The following PROX2 variants were observed in gnomAD, a reference collection of about 807,000 sequenced individuals.
The protein encoded by PROX2 is prospero homeobox protein 2.
A neutral mutation model predicts 48.9 loss-of-function variants in PROX2; 46 were observed. That is an observed-to-expected ratio of 0.94 (90% CI 0.74 to 1.20). The LOEUF is 1.20. Among genes scored for constraint, PROX2 ranks in the 50% most tolerant of loss-of-function variants. The pLI is 0.00. For missense variants in PROX2, 663 were observed against 719.4 expected (o/e 0.92, Z 0.90); for synonymous variants, 260 against 276.6 (o/e 0.94, Z 0.60).
Position 74,863,074 on chromosome 14 carries a change from G to T in PROX2, c.761C>A (p.Thr254Asn). The T allele has an allele frequency of 6.2e-7, 1 of 1,613,986 alleles. No individual in the cohort carries two copies. Among genetic ancestry groups the T allele is most frequent in the Non-Finnish European group, 8.5e-7 (1 of 1,179,876 alleles). Reference protein sequence around the residue: ...KVLLDPPGHLTQLGRSFQGQV... With the variant: ...KVLLDPPGHLNQLGRSFQGQV... ...CCCCTGGAAGCTTCTGCCCAGCTGAGTCAGGTGGCCTGGTGGATCCAATAG... is the reference window on the plus strand; with the variant it reads ...CCCCTGGAAGCTTCTGCCCAGCTGATTCAGGTGGCCTGGTGGATCCAATAG... The change falls in exon 3 of 6, where the codon ACT becomes AAT. Residue 254 changes from threonine (T) to asparagine (N), a missense_variant. Thr to Asn is a moderately conservative substitution (Grantham distance 65). Transcript: ENST00000556489.
In PROX2 at chr14:74,864,995, A is replaced by T. The variant is rs181350520; in HGVS notation, c.-174-987T>A. ...CCCATCTCTACTAAAAATAAAAAAAATTAGCTGAGTGTGGTAGCATGCGCC... is the reference window on the plus strand; with the variant it reads ...CCCATCTCTACTAAAAATAAAAAAATTTAGCTGAGTGTGGTAGCATGCGCC... On this transcript the variant is annotated intron_variant, in intron 2 of 5. Transcript: ENST00000556489. Among the ~76,000 whole-genome samples, 19 of 149,916 alleles carry T rather than the reference A, an allele frequency of 1.3e-4. No individual in the cohort carries two copies. The Admixed American group carries it at 1.3e-3, about 10-fold the overall frequency.
intron 3 of PROX2, among the ~76,000 whole-genome samples, chr14:74,861,407 C>A (rs1184037305): frequency 6.6e-6 from 1 of 152,198 alleles, no homozygotes; most frequent in Non-Finnish European, 1.5e-5. Context: ...TTAGAGCTTC[C>A]ATTTACTCAT....
chr14:74,873,766 A>G, intron 1 of PROX2: 1 of 472,576 alleles, frequency 2.1e-6, no homozygotes, highest in South Asian at 1.6e-5. Context: ...CTTCTAGAAC[A>G]GTATCCCACC....
rs764345215 is a variant in PROX2, at chr14:74,854,274, A to G, written c.*858T>C. ...CAGCAGACAAATGTGAATAAACAGCAACACTCAAGTCCTGCATAAAGTTTG... is the reference window on the plus strand; with the variant it reads ...CAGCAGACAAATGTGAATAAACAGCGACACTCAAGTCCTGCATAAAGTTTG... On this transcript the variant is annotated 3_prime_UTR_variant, in exon 6 of 6. Transcript: ENST00000556489. 2 of 483,332 alleles carry G rather than the reference A, an allele frequency of 4.1e-6. No homozygotes were observed. The highest frequency in any genetic ancestry group is 8.3e-6 in the Non-Finnish European group (2 of 241,852). 29.9% of individuals were successfully genotyped at this position (483,332 alleles called of 1,614,324 possible). A position where few individuals can be genotyped will look rare whatever the true frequency, so the allele number is the denominator to read the frequency against.
intron 2 of PROX2, among the ~76,000 whole-genome samples, chr14:74,867,679 C>G (rs1883095926): frequency 6.6e-6 from 1 of 152,214 alleles, no homozygotes; most frequent in Non-Finnish European, 1.5e-5. Context: ...GACAGAAAGA[C>G]AGACGGGTAG....
chr14:74,856,785 C>G lies in PROX2; in HGVS notation c.1608+16G>C. On this transcript the variant is annotated intron_variant, in intron 5 of 5. Transcript: ENST00000556489. ...ACACTCATCAGATCTCATGGGAACC[C>G]AGTACATGGTCTTACCTCAAAGTCA... The G allele has an allele frequency of 6.2e-7, 1 of 1,606,234 alleles. No individual in the cohort carries two copies. The highest frequency in any genetic ancestry group is 8.5e-7 in the Non-Finnish European group (1 of 1,173,100).
chr14:74,855,963 T>C (rs2140160464), intron 5 of PROX2: 1 of 152,340 alleles, frequency 6.6e-6, no homozygotes, highest in South Asian at 2.1e-4. Context: ...CATGGACAAT[T>C]TTCCCCACAG....
intron 3 of PROX2, chr14:74,861,144 G>A (rs575337344): frequency 2.5e-6 from 3 of 1,202,322 alleles, no homozygotes; most frequent in African/African-American, 1.5e-5. Context: ...GCATGGTAAT[G>A]AGCTGGTCCC....
rs1278241230 is a variant in PROX2, at chr14:74,863,807, G to A, written c.28C>T (p.Pro10Ser). 1 of 1,509,782 alleles carries A rather than the reference G, an allele frequency of 6.6e-7. No homozygotes were observed. Among genetic ancestry groups the A allele is most frequent in the African/African-American group, 1.4e-5 (1 of 71,576 alleles). 93.5% of individuals were successfully genotyped at this position (1,509,782 alleles called of 1,614,324 possible). A position where few individuals can be genotyped will look rare whatever the true frequency, so the allele number is the denominator to read the frequency against. The change falls in exon 3 of 6, where the codon CCT (proline) becomes TCT (serine). Residue 10 changes from proline (P) to serine (S), a missense_variant. Coordinates refer to ENST00000556489, the MANE Select transcript of PROX2 (RefSeq NM_001243007.2). ...AGGTGGGAGCAGATCTGGGGCTGAG[G>A]AGAAAGCAAGATGGAGTTTGGATCC... MDPNSILLSPQPQICSHLAE... is the reference protein window; with the variant it reads MDPNSILLSSQPQICSHLAE...
At chr14:74,862,180 G>A (rs192125028) in intron 3 of PROX2, among the ~76,000 whole-genome samples, 1 of 152,244 alleles carries the variant, frequency 6.6e-6, no homozygotes. Flanking sequence ...TAGTTTTCTT[G>A]TTTCTCTGCA....
chr14:74,861,306 CA>C, intron 3 of PROX2: 1 of 1,019,346 alleles, frequency 9.8e-7, no homozygotes, highest in Non-Finnish European at 1.4e-6. Context: ...GCTTAAAAAG[CA>C]ACATCCAAAA....
chr14:74,874,760 AATAAGT>A (rs1247306648), intron 1 of PROX2, among the ~76,000 whole-genome samples: 2 of 152,232 alleles, frequency 1.3e-5, no homozygotes, highest in African/African-American at 4.8e-5. Flanking sequence ...AGGCACAAAA[AATAAGT>A]ATACAAAAGA....
chr14:74,858,836 GGTGTATTGTGTGTGTGT>G, intron 3 of PROX2: 2 of 211,584 alleles, frequency 9.5e-6, no homozygotes, highest in Middle Eastern at 1.6e-3. Flanking sequence ...AATACAGGTT[GGTGTATTGTGTGTGTGT>G]GTGTGTGTGT....
Position 74,863,607 on chromosome 14 carries a change from A to G in PROX2, c.228T>C (p.Cys76=). The change falls in exon 3 of 6, where the codon TGT becomes TGC. Residue 76 remains cysteine, a synonymous_variant. Coordinates refer to ENST00000556489, the MANE Select transcript of PROX2 (RefSeq NM_001243007.2). ...CTGGCACCAGAGGATTCGGGGAGAGACACATGCCTCGGACAATGGTCTCCA... is the reference window on the plus strand; with the variant it reads ...CTGGCACCAGAGGATTCGGGGAGAGGCACATGCCTCGGACAATGGTCTCCA... The part of the protein sequence containing the change: ...ARVETIVRGM[C]LSPNPLVPGN... 6.2e-7 allele frequency: 1 copy of G among 1,607,758 alleles called. No homozygotes were observed. The highest frequency in any genetic ancestry group is 8.5e-7 in the Non-Finnish European group (1 of 1,176,848).
At position 74,864,015 on chromosome 14, in the gene PROX2, T is replaced by C. The variant is rs993763602; in HGVS notation, c.-174-7A>G. 5 of 593,150 alleles carry C rather than the reference T, an allele frequency of 8.4e-6. No individual in the cohort carries two copies. The highest frequency in any genetic ancestry group is 3.8e-5 in the Admixed American group (1 of 26,030). 36.7% of individuals were successfully genotyped at this position (593,150 alleles called of 1,614,324 possible). The stretch of plus-strand genomic sequence containing the variant: ...GAACCTCCTGGGCAGACTCCTGAAA[T>C]TAGAGACAGGAAGAAAAGAGTACGT... On this transcript the variant is annotated splice_region_variant and splice_polypyrimidine_tract_variant and intron_variant, in intron 2 of 5. Transcript: ENST00000556489.
At chr14:74,868,854 A>T (rs1273585182) in intron 2 of PROX2, among the ~76,000 whole-genome samples, 7 of 151,518 alleles carry the variant, frequency 4.6e-5, no homozygotes. Context: ...AAAAAATAAG[A>T]TAGTATGGAG....
chr14:74,861,626 G>A (rs554481520), intron 3 of PROX2, among the ~76,000 whole-genome samples: 1 of 152,264 alleles, frequency 6.6e-6, no homozygotes, highest in African/African-American at 2.4e-5. Context: ...CTCCTCATGG[G>A]GAGCCTCCTC....
intron 2 of PROX2, among the ~76,000 whole-genome samples, chr14:74,868,335 ATATATATATATATAT>A (rs1883122590): frequency 7.7e-6 from 1 of 129,794 alleles, no homozygotes; most frequent in Non-Finnish European, 1.6e-5. Context: ...ATATATATAT[ATATATATATATATAT>A]ATATATATAT....
chr14:74,870,783 T>C (rs4564508), intron 2 of PROX2, among the ~76,000 whole-genome samples: 27,045 of 152,124 alleles, frequency 0.18, 2,640 homozygotes, highest in South Asian at 0.29. Context: ...CTCACGCCTG[T>C]AATCCCAGCA....
Sources: gnomAD v4.1 joint callset for allele counts (sites outside exome capture counted in the v4.1 genomes callset) on GRCh38, gnomAD v4.1.1 for gene constraint, MANE v1.5 for transcripts, NCBI Gene and HGNC (gene_info 2026-07-23, HGNC 2026-07-21) for gene names.